Variants in TPRG1 observed in about 807,000 individuals in gnomAD.
The protein encoded by TPRG1 is tumor protein p63-regulated gene 1 protein.
A neutral mutation model predicts 29.3 loss-of-function variants in TPRG1; 29 were observed. The ratio of observed to expected loss-of-function variants is 0.99; its 90% CI spans 0.74 to 1.35. The LOEUF is 1.35. Among genes scored for constraint, TPRG1 ranks in the 40% most tolerant of loss-of-function variants. The pLI, the probability that TPRG1 is intolerant of heterozygous loss-of-function variation, is 0.00. For synonymous variants in TPRG1, 130 were observed against 116.8 expected (o/e 1.11, Z -0.73); for missense variants, 327 against 335.0 (o/e 0.98, Z 0.19).
chr3:189,015,472 A>G (rs1025411546), intron 3 of TPRG1, among the ~76,000 whole-genome samples: 2 of 152,256 alleles, frequency 1.3e-5, no homozygotes, highest in African/African-American at 2.4e-5. Flanking sequence ...AGCTGCTTGC[A>G]GAAATTTGCA....
At position 189,186,796 on chromosome 3, in the gene TPRG1, A is replaced by G. The variant is rs76216359; in HGVS notation, c.-10+14665A>G. ...AGCTAGAGAAGAAATGGATTAATGG[A>G]TTATACTTGAACCTGGATTTCCTGA... On this transcript the variant is annotated intron_variant, in intron 1 of 5. Transcript: ENST00000345063. Among the ~76,000 whole-genome samples, 715 of 152,056 alleles carry G rather than the reference A, an allele frequency of 4.7e-3. 6 individuals are homozygous for G. Among genetic ancestry groups the G allele is most frequent in the African/African-American group, 0.016 (680 of 41,470 alleles).
At chr3:189,152,636 T>TGGTA (rs1286586389) in intron 5 of TPRG1, among the ~76,000 whole-genome samples, 1 of 146,924 alleles carries the variant, frequency 6.8e-6, no homozygotes, top group South Asian at 2.2e-4. Flanking sequence ...AAAGTAGGAT[T>TGGTA]CCTACCCGCC....
At chr3:189,233,159 AGT>A (rs1234383998) in intron 3 of TPRG1, among the ~76,000 whole-genome samples, 10 of 120,276 alleles carry the variant, frequency 8.3e-5, no homozygotes, top group African/African-American at 2.8e-4. Flanking sequence ...ACCTCTACTG[AGT>A]GTGTATGTGT....
intron 3 of TPRG1, among the ~76,000 whole-genome samples, chr3:189,141,239 T>A (rs181584441): frequency 6.6e-6 from 1 of 152,304 alleles, no homozygotes; most frequent in Admixed American, 6.5e-5. Flanking sequence ...GGAATGTGCT[T>A]TAAGTAAGAA....
chr3:189,051,953 A>G (rs1408320735), intron 4 of TPRG1, among the ~76,000 whole-genome samples: 1 of 152,250 alleles, frequency 6.6e-6, no homozygotes, highest in African/African-American at 2.4e-5. Context: ...CTCCAGATAT[A>G]TTAAGGACTT....
At chr3:189,209,626 A>C (rs1367894205) in intron 2 of TPRG1, among the ~76,000 whole-genome samples, 1 of 152,172 alleles carries the variant, frequency 6.6e-6, no homozygotes, top group Non-Finnish European at 1.5e-5. Context: ...GACCTGTCCA[A>C]ATCATATAAT....
intron 3 of TPRG1, among the ~76,000 whole-genome samples, chr3:189,232,848 A>G (rs1738881357): frequency 6.6e-6 from 1 of 152,212 alleles, no homozygotes; most frequent in Non-Finnish European, 1.5e-5. Flanking sequence ...TTAGTTAGCT[A>G]AAGGTCTTCC....
chr3:189,248,731 A>G (rs1741722077), intron 4 of TPRG1, among the ~76,000 whole-genome samples: 1 of 151,110 alleles, frequency 6.6e-6, no homozygotes, highest in Admixed American at 6.6e-5. Flanking sequence ...TTGAATTTTT[A>G]TGCTTTTAAA....
chr3:189,143,050 A>G (rs746000637), intron 3 of TPRG1, among the ~76,000 whole-genome samples: 4 of 152,272 alleles, frequency 2.6e-5, no homozygotes, highest in Non-Finnish European at 5.9e-5. Context: ...TTGAACCAGT[A>G]TCTTTTGGTA....
At chr3:189,160,290 GGC>G (rs1727299183) in intron 5 of TPRG1, among the ~76,000 whole-genome samples, 1 of 152,262 alleles carries the variant, frequency 6.6e-6, no homozygotes, top group African/African-American at 2.4e-5. Flanking sequence ...GATCTCACAT[GGC>G]AGTGAGGAGG....
intron 2 of TPRG1, among the ~76,000 whole-genome samples, chr3:189,211,419 G>A (rs935517777): frequency 2.0e-5 from 3 of 152,058 alleles, no homozygotes; most frequent in Non-Finnish European, 2.9e-5. Context: ...TTACAAAGAG[G>A]TGACTGACAC....
intron 5 of TPRG1, among the ~76,000 whole-genome samples, chr3:189,163,212 G>A (rs1178005745): frequency 6.6e-6 from 1 of 152,180 alleles, no homozygotes; most frequent in African/African-American, 2.4e-5. Flanking sequence ...GGTGGAGGGT[G>A]CAGCGAGCCA....
chr3:189,176,547 A>C (rs1435471813), intron 1 of TPRG1, among the ~76,000 whole-genome samples: 2 of 152,226 alleles, frequency 1.3e-5, no homozygotes, highest in African/African-American at 4.8e-5. Context: ...AATATATGAG[A>C]TATGGAGAAC....
chr3:189,001,546 A>G (rs936671260), intron 2 of TPRG1, among the ~76,000 whole-genome samples: 1 of 152,280 alleles, frequency 6.6e-6, no homozygotes, highest in Non-Finnish European at 1.5e-5. Context: ...CACTAATTCC[A>G]TTAATGAGGG....
intron 4 of TPRG1, among the ~76,000 whole-genome samples, chr3:189,284,973 A>G (rs1317737083): frequency 2.0e-5 from 3 of 152,226 alleles, no homozygotes; most frequent in Non-Finnish European, 2.9e-5. Context: ...TCTGCACAGC[A>G]AAAGAAACTA....
At chr3:189,250,758 A>AG (rs1275638645) in intron 4 of TPRG1, among the ~76,000 whole-genome samples, 1 of 151,236 alleles carries the variant, frequency 6.6e-6, no homozygotes, top group African/African-American at 2.4e-5. Context: ...AAAAAAAAAA[A>AG]AAAAAAAAAG....
At chr3:189,060,479 A>G (rs990745065) in intron 4 of TPRG1, among the ~76,000 whole-genome samples, 4 of 152,150 alleles carry the variant, frequency 2.6e-5, no homozygotes, top group African/African-American at 9.7e-5. Context: ...ACAGCATCCA[A>G]ATTGGAAGAG....
At chr3:189,254,403 A>G (rs757335717) in intron 4 of TPRG1, among the ~76,000 whole-genome samples, 8 of 152,210 alleles carry the variant, frequency 5.3e-5, no homozygotes, top group Non-Finnish European at 8.8e-5. Flanking sequence ...TACCAGTACC[A>G]TGCTGTTTTG....
chr3:189,307,444 A>G (rs1470990041), intron 4 of TPRG1, among the ~76,000 whole-genome samples: 2 of 152,230 alleles, frequency 1.3e-5, no homozygotes, highest in Non-Finnish European at 2.9e-5. Flanking sequence ...TTAAGAATGC[A>G]TAGTTTGTTT....
Sources: allele counts gnomAD v4.1 joint callset (sites outside exome capture counted in the v4.1 genomes callset), GRCh38; gene constraint gnomAD v4.1.1; transcripts MANE v1.5; gene names NCBI Gene and HGNC (gene_info 2026-07-23, HGNC 2026-07-21).